CR1: variants seen among roughly 807,000 people sequenced by gnomAD.
CR1 encodes the protein complement C3b/C4b receptor 1 (Knops blood group), also known as complement receptor type 1.
CR1 carries 116 observed loss-of-function variants against 187.3 expected under a neutral mutation model. The observed-to-expected ratio is 0.62, with a 90% CI of 0.53 to 0.72. The LOEUF (loss-of-function observed/expected upper bound fraction) is 0.72, where lower values mean the gene tolerates loss of function less well. CR1 is among the 30% of genes least tolerant of loss of function. The pLI, the probability that CR1 is intolerant of heterozygous loss-of-function variation, is 0.00. For synonymous variants in CR1, 576 were observed against 747.1 expected (o/e 0.77, Z 3.73); for missense variants, 1,731 against 2,110.7 (o/e 0.82, Z 3.52).
chr1:207,616,090 T>C (rs1662086212), intron 40 of CR1, among the ~76,000 whole-genome samples: 2 of 152,152 alleles, frequency 1.3e-5, no homozygotes, highest in African/African-American at 4.8e-5. Flanking sequence ...CACTGGAAAT[T>C]TGGTATTGGT....
intron 3 of CR1, among the ~76,000 whole-genome samples, chr1:207,508,518 A>C (rs1404161249): frequency 6.6e-6 from 1 of 152,270 alleles, no homozygotes; most frequent in Non-Finnish European, 1.5e-5. Context: ...ATATGTGCAT[A>C]AACAGACACG....
chr1:207,506,233 G>A, intron 2 of CR1, 150 bp downstream of exon 2: 3 of 939,472 alleles, frequency 3.2e-6, no homozygotes, highest in Non-Finnish European at 4.7e-6. Flanking sequence ...ATCATACCTT[G>A]TTACTGCTTT....
At position 207,565,920 on chromosome 1, in the gene CR1, G is replaced by A. The variant is rs1457796524; in HGVS notation, c.3949G>A (p.Glu1317Lys). Residue 1317 changes from glutamate to lysine, a missense_variant, in exon 24 of 47, where the codon GAA (glutamate) becomes AAA (lysine). By Grantham distance (56) the Glu-to-Lys change is moderately conservative. Around this residue, in one of 5 missense-constraint regions of CR1, gnomAD observed 1,312 missense variants for 1,379.6 expected, o/e 0.95. Coordinates refer to ENST00000367049, the MANE Select transcript of CR1 (RefSeq NM_000651.6). ...SLWNSSVPVC[E>K]QIFCPSPPVI... ...TTGGAATAGCAGTGTTCCAGTGTGTGAACGTGAGTAATAGGAGCAACATTT... is the reference window on the plus strand; with the variant it reads ...TTGGAATAGCAGTGTTCCAGTGTGTAAACGTGAGTAATAGGAGCAACATTT... The A allele has an allele frequency of 5.0e-6, 8 of 1,611,128 alleles. No homozygotes were observed. The highest frequency in any genetic ancestry group is 1.7e-4 in the Middle Eastern group (1 of 6,056).
chr1:207,520,614 T>C (rs1046317712), intron 4 of CR1, among the ~76,000 whole-genome samples: 1 of 152,216 alleles, frequency 6.6e-6, no homozygotes, highest in African/African-American at 2.4e-5. Context: ...CTTGTGTTTC[T>C]TGTAATGACT....
chr1:207,618,926 C>T (rs1438423365), intron 42 of CR1, among the ~76,000 whole-genome samples: 2 of 149,254 alleles, frequency 1.3e-5, no homozygotes, highest in African/African-American at 5.0e-5. Flanking sequence ...ATAGTCCCAG[C>T]TACTCGTGAG....
intron 35 of CR1, among the ~76,000 whole-genome samples, chr1:207,606,828 T>A (rs1377567455): frequency 1.3e-5 from 2 of 152,182 alleles, no homozygotes; most frequent in Non-Finnish European, 2.9e-5. Context: ...TACAAGAGAC[T>A]ATCTGAGCAC....
At chr1:207,585,451 A>G (rs887946035) in intron 33 of CR1, among the ~76,000 whole-genome samples, 1 of 152,212 alleles carries the variant, frequency 6.6e-6, no homozygotes, top group Non-Finnish European at 1.5e-5. Context: ...AGGGGGTAAG[A>G]AGCAAGGAAA....
At chr1:207,585,469 C>G (rs630875) in intron 33 of CR1, among the ~76,000 whole-genome samples, 10,687 of 152,048 alleles carry the variant, frequency 0.07, 1,274 homozygotes, top group African/African-American at 0.24. Flanking sequence ...AAAGAGTAGC[C>G]CAAAGAAAAG....
chr1:207,588,650 T>C, intron 34 of CR1, 25 bp from the exon 35 acceptor site: 4 of 1,516,256 alleles, frequency 2.6e-6, no homozygotes, highest in Non-Finnish European at 2.7e-6. Context: ...CTATATTTAA[T>C]CCCAAATTCT....
chr1:207,582,165 A>T (rs952725590), intron 32 of CR1, among the ~76,000 whole-genome samples, 162 bp downstream of exon 32: 4 of 152,192 alleles, frequency 2.6e-5, no homozygotes, highest in Non-Finnish European at 5.9e-5. Context: ...GGGAAAAATA[A>T]ACATGAGAAT....
intron 35 of CR1, among the ~76,000 whole-genome samples, chr1:207,596,152 G>A (rs1661436237): frequency 6.6e-6 from 1 of 151,166 alleles, no homozygotes; most frequent in South Asian, 2.1e-4. Flanking sequence ...CAAAAGAGGG[G>A]TGAGAGAAAC....
chr1:207,564,278 T>A (rs2102322173), intron 23 of CR1, 44 bp downstream of exon 23: 1 of 1,594,014 alleles, frequency 6.3e-7, no homozygotes, highest in Non-Finnish European at 8.5e-7. Context: ...GAAATTGGGG[T>A]TGGGAATCAG....
intron 35 of CR1, among the ~76,000 whole-genome samples, chr1:207,606,305 C>G (rs187728038): frequency 6.6e-6 from 1 of 152,146 alleles, no homozygotes; most frequent in African/African-American, 2.4e-5. Flanking sequence ...TGGCTATGCC[C>G]GGCTGTAAGG....
chr1:207,496,736 G>A lies in CR1; in HGVS notation c.121+348G>A, dbSNP rs1659100302. Reference sequence around the variant, plus strand: ...TAGCCAAGACGTGGCGTTGATCCTAGTGAAAGGGAACTTGGGGATCCGACA... The same window carrying A: ...TAGCCAAGACGTGGCGTTGATCCTAATGAAAGGGAACTTGGGGATCCGACA... On this transcript the variant is annotated intron_variant, in intron 1 of 46. Coordinates refer to ENST00000367049, the MANE Select transcript of CR1 (RefSeq NM_000651.6). Among the ~76,000 whole-genome samples the A allele has an allele frequency of 1.3e-5, 2 of 152,216 alleles. 1 individual carries two copies. Among genetic ancestry groups the A allele is most frequent in the South Asian group, 4.1e-4 (2 of 4,832 alleles).
rs1258814307 is a variant in CR1, at chr1:207,640,547, T to C, written c.*1138T>C. The C allele has an allele frequency of 1.3e-5, 2 of 152,252 alleles. No individual in the cohort carries two copies. The highest frequency in any genetic ancestry group is 2.9e-5 in the Non-Finnish European group (2 of 68,052). The allele number at this position is 152,252 out of a possible 1,614,324, so 9.4% of individuals were successfully genotyped here. On this transcript the variant is annotated 3_prime_UTR_variant, in exon 47 of 47. Transcript: ENST00000367049. ...AATTGTTATTATAAAAGTACTAGCT[T>C]ACTTTTGTATGGATTCAGAATATAC...
intron 34 of CR1, 54 bp downstream of exon 34, chr1:207,587,619 C>T (rs995111535): frequency 6.5e-7 from 1 of 1,548,834 alleles, no homozygotes; most frequent in Admixed American, 1.8e-5. Flanking sequence ...ATAGGTGGGA[C>T]CGGGCTTGGT....
intron 1 of CR1, 34 bp from the exon 2 acceptor site, chr1:207,505,869 AT>A (rs1659411481): frequency 1.3e-6 from 2 of 1,575,344 alleles, no homozygotes; most frequent in Non-Finnish European, 1.7e-6. Flanking sequence ...TAATTTCTCC[AT>A]TAACTTTGAT....
chr1:207,500,924 T>C (rs373283975), intron 1 of CR1, among the ~76,000 whole-genome samples: 2 of 152,300 alleles, frequency 1.3e-5, no homozygotes, highest in South Asian at 4.1e-4. Context: ...CAATTGAATA[T>C]TACCCAGCAA....
chr1:207,564,052 C>G lies in CR1; in HGVS notation c.3763+12C>G. ...CCCCACATGTGAAGGTGACTAGACT[C>G]TTATCTGGCTTGATATTTTTAGCTT... On this transcript the variant is annotated intron_variant, in intron 22 of 46. Coordinates refer to ENST00000367049, the MANE Select transcript of CR1 (RefSeq NM_000651.6). The G allele has an allele frequency of 6.6e-7, 1 of 1,518,462 alleles. No homozygotes were observed. The highest frequency in any genetic ancestry group is 8.7e-7 in the Non-Finnish European group (1 of 1,144,162). 94.1% of individuals were successfully genotyped at this position (1,518,462 alleles called of 1,614,324 possible). A position where few individuals can be genotyped will look rare whatever the true frequency, so the allele number is the denominator to read the frequency against.
Sources: gnomAD v4.1 joint callset for allele counts (sites outside exome capture counted in the v4.1 genomes callset) on GRCh38, gnomAD v4.1.1 for gene constraint, gnomAD v4.1.1 regional missense constraint, MANE v1.5 for transcripts, NCBI Gene and HGNC (gene_info 2026-07-23, HGNC 2026-07-21) for gene names.